The following AKT3 variants were observed in gnomAD, a reference collection of about 807,000 sequenced individuals.
AKT3 encodes RAC-gamma serine/threonine-protein kinase.
A neutral mutation model predicts 65.3 loss-of-function variants in AKT3; 15 were observed. The ratio of observed to expected loss-of-function variants is 0.23; its 90% CI spans 0.15 to 0.35. The LOEUF is 0.35. AKT3 is among the 10% of genes least tolerant of loss of function. AKT3 has a pLI of 1.00. For missense variants in AKT3, 243 were observed against 576.5 expected, an observed-to-expected ratio of 0.42 and a Z score of 5.92; for synonymous variants, 206 against 183.8, an observed-to-expected ratio of 1.12 and a Z score of -0.98.
intron 3 of AKT3, among the ~76,000 whole-genome samples, chr1:243,667,098 T>G (rs1273677593): frequency 6.6e-6 from 1 of 152,036 alleles, no homozygotes; most frequent in Non-Finnish European, 1.5e-5. Flanking sequence ...CTCCATTGAG[T>G]GTGTACTGCT....
At chr1:243,771,901 T>C (rs1394975720) in intron 2 of AKT3, among the ~76,000 whole-genome samples, 5 of 152,210 alleles carry the variant, frequency 3.3e-5, no homozygotes, top group African/African-American at 1.2e-4. Flanking sequence ...TACAACCATC[T>C]GATCTTTGAC....
intron 5 of AKT3, among the ~76,000 whole-genome samples, chr1:243,639,127 T>C (rs982862258): frequency 2.0e-5 from 3 of 152,158 alleles, no homozygotes; most frequent in Admixed American, 6.5e-5. Context: ...ATTGACACCT[T>C]TGATGAAATG....
At chr1:243,702,316 G>C (rs1236143931) in intron 2 of AKT3, among the ~76,000 whole-genome samples, 1 of 152,106 alleles carries the variant, frequency 6.6e-6, no homozygotes, top group Non-Finnish European at 1.5e-5. Context: ...AAATGCTCCA[G>C]GCAGAACAAT....
At chr1:243,769,298 A>G (rs1295011211) in intron 2 of AKT3, among the ~76,000 whole-genome samples, 1 of 152,194 alleles carries the variant, frequency 6.6e-6, no homozygotes, top group Non-Finnish European at 1.5e-5. Flanking sequence ...TTGTACAACC[A>G]TATGACTTTG....
chr1:243,656,625 G>C (rs1053921019), intron 4 of AKT3, among the ~76,000 whole-genome samples: 7 of 152,196 alleles, frequency 4.6e-5, no homozygotes, highest in African/African-American at 9.7e-5. Context: ...CCTAGCAGTA[G>C]GGACAAAAGG....
intron 2 of AKT3, among the ~76,000 whole-genome samples, chr1:243,719,827 C>G (rs117380147): frequency 6.6e-6 from 1 of 152,132 alleles, no homozygotes. Context: ...AGAACTCAGT[C>G]GTATGGCCAC....
intron 2 of AKT3, among the ~76,000 whole-genome samples, chr1:243,814,111 T>C (rs1304831693): frequency 2.2e-4 from 33 of 152,164 alleles, no homozygotes; most frequent in Admixed American, 2.1e-3. Context: ...TTTTTAAATA[T>C]ATGTAAAGCA....
chr1:243,490,715 C>T (rs1251307380), intron 13 of AKT3, among the ~76,000 whole-genome samples: 1 of 152,214 alleles, frequency 6.6e-6, no homozygotes, highest in Non-Finnish European at 1.5e-5. Flanking sequence ...TGTTTCCTTT[C>T]TCCCTCATCT....
chr1:243,489,225 T>C (rs941070947), intron 13 of AKT3: 1 of 1,524,636 alleles, frequency 6.6e-7, no homozygotes. Context: ...AGGCCGGCTT[T>C]CTCACGGATC....
At chr1:243,586,045 A>C (rs1006664477) in intron 8 of AKT3, among the ~76,000 whole-genome samples, 3 of 152,214 alleles carry the variant, frequency 2.0e-5, no homozygotes, top group African/African-American at 7.2e-5. Flanking sequence ...AAACACAAGT[A>C]ACCCAATAAA....
chr1:243,755,884 A>G (rs1371785474), intron 2 of AKT3, among the ~76,000 whole-genome samples: 1 of 152,228 alleles, frequency 6.6e-6, no homozygotes, highest in East Asian at 1.9e-4. Flanking sequence ...TTAAGTATTT[A>G]GGCATGGCCA....
At chr1:243,490,118 AGAG>A (rs1388405583) in intron 13 of AKT3, among the ~76,000 whole-genome samples, 1 of 152,378 alleles carries the variant, frequency 6.6e-6, no homozygotes, top group African/African-American at 2.4e-5. Flanking sequence ...ATGAAAACGA[AGAG>A]GAGTCTCATT....
chr1:243,545,696 A>C, intron 11 of AKT3, 99 bp from the exon 12 acceptor site: 1 of 836,620 alleles, frequency 1.2e-6, no homozygotes, highest in Non-Finnish European at 1.9e-6. Flanking sequence ...TCTGTGTAAT[A>C]AACAGTTCTT....
At chr1:243,702,649 G>A (rs1259558539) in intron 2 of AKT3, among the ~76,000 whole-genome samples, 1 of 152,106 alleles carries the variant, frequency 6.6e-6, no homozygotes, top group Non-Finnish European at 1.5e-5. Context: ...CACTTATTCA[G>A]AAGTATTTAC....
downstream of AKT3, among the ~76,000 whole-genome samples, chr1:243,496,110 G>T (rs1217408885): frequency 6.6e-6 from 1 of 152,224 alleles, no homozygotes; most frequent in Non-Finnish European, 1.5e-5. Context: ...GATCATTGTG[G>T]GCTTGAAAGG....
At chr1:243,588,385 T>C (rs145995865) in intron 8 of AKT3, among the ~76,000 whole-genome samples, 1 of 152,198 alleles carries the variant, frequency 6.6e-6, no homozygotes, top group Non-Finnish European at 1.5e-5. Flanking sequence ...AGGCATTCAG[T>C]AGATATCTCA....
At chr1:243,752,318 C>T (rs1688859435) in intron 2 of AKT3, among the ~76,000 whole-genome samples, 1 of 152,102 alleles carries the variant, frequency 6.6e-6, no homozygotes, top group Admixed American at 6.5e-5. Context: ...TTATAGTAAC[C>T]ATGAGCACTG....
chr1:243,689,276 A>G (rs1684535228), intron 3 of AKT3, among the ~76,000 whole-genome samples: 1 of 152,084 alleles, frequency 6.6e-6, no homozygotes, highest in Admixed American at 6.6e-5. Context: ...TAATTCATGT[A>G]CATTTATATA....
At chr1:243,563,556 C>G (rs879425343) in intron 10 of AKT3, among the ~76,000 whole-genome samples, 164 bp downstream of exon 10, 1 of 152,078 alleles carries the variant, frequency 6.6e-6, no homozygotes, top group Non-Finnish European at 1.5e-5. Context: ...TATTCTTGAT[C>G]CTACAATACC....
Sources: allele counts gnomAD v4.1 joint callset (sites outside exome capture counted in the v4.1 genomes callset), GRCh38; gene constraint gnomAD v4.1.1; transcripts MANE v1.5; gene names NCBI Gene and HGNC (gene_info 2026-07-23, HGNC 2026-07-21).